CCDC192: variants seen among roughly 807,000 people sequenced by gnomAD.
CCDC192 encodes the protein coiled-coil domain-containing protein 192.
chr5:127,900,303 C>T (rs927737866), intron 6 of CCDC192, among the ~76,000 whole-genome samples: 2 of 152,168 alleles, frequency 1.3e-5, no homozygotes, highest in Non-Finnish European at 2.9e-5. Flanking sequence ...AGCAGGGTAG[C>T]ATCCTAAACT....
intron 3 of CCDC192, among the ~76,000 whole-genome samples, chr5:127,773,130 G>A (rs1367557121): frequency 6.6e-6 from 1 of 152,158 alleles, no homozygotes; most frequent in Non-Finnish European, 1.5e-5. Context: ...GTATTGTGGA[G>A]TACCCACCTG....
At chr5:127,739,290 C>G (rs1050081257) in intron 2 of CCDC192, among the ~76,000 whole-genome samples, 13 of 152,166 alleles carry the variant, frequency 8.5e-5, no homozygotes, top group Non-Finnish European at 1.9e-4. Flanking sequence ...TGCCCGTTCT[C>G]AGATCTCCAG....
intron 2 of CCDC192, among the ~76,000 whole-genome samples, chr5:127,751,366 A>T (rs1229158019): frequency 6.8e-6 from 1 of 146,198 alleles, no homozygotes; most frequent in Non-Finnish European, 1.5e-5. Context: ...TTTCTCCTTC[A>T]CTCATGAAGC....
chr5:127,832,209 A>C (rs1202116865), intron 5 of CCDC192, among the ~76,000 whole-genome samples: 5 of 152,220 alleles, frequency 3.3e-5, no homozygotes, highest in Non-Finnish European at 7.3e-5. Flanking sequence ...ACAATTTCAC[A>C]CTCATCTGAT....
chr5:127,764,976 G>T (rs1755136923), intron 3 of CCDC192, among the ~76,000 whole-genome samples: 1 of 152,154 alleles, frequency 6.6e-6, no homozygotes, highest in Admixed American at 6.5e-5. Context: ...ATTAGCCTCA[G>T]AAAGTGTTTA....
intron 5 of CCDC192, among the ~76,000 whole-genome samples, chr5:127,801,781 G>A (rs925838280): frequency 6.3e-4 from 96 of 152,278 alleles, no homozygotes; most frequent in Non-Finnish European, 5.4e-4. Context: ...GAGTTCATGT[G>A]AGCAAAGAAT....
chr5:127,823,411 C>G (rs1485800609), intron 5 of CCDC192, among the ~76,000 whole-genome samples: 1 of 152,174 alleles, frequency 6.6e-6, no homozygotes, highest in Non-Finnish European at 1.5e-5. Context: ...CTCCATTATG[C>G]CACATGAGTG....
chr5:127,938,633 T>C (rs929976819), intron 6 of CCDC192, among the ~76,000 whole-genome samples: 11 of 152,268 alleles, frequency 7.2e-5, no homozygotes, highest in Admixed American at 3.3e-4. Flanking sequence ...ATACATTTTC[T>C]TTAACACAAT....
intron 6 of CCDC192, among the ~76,000 whole-genome samples, chr5:127,890,404 C>G (rs1752699754): frequency 6.7e-6 from 1 of 150,164 alleles, no homozygotes; most frequent in African/African-American, 2.5e-5. Context: ...TTTGAGATGC[C>G]ACTACACTCC....
chr5:127,764,508 A>G (rs1418049788), intron 3 of CCDC192, among the ~76,000 whole-genome samples: 1 of 152,062 alleles, frequency 6.6e-6, no homozygotes, highest in Non-Finnish European at 1.5e-5. Context: ...CTTATGGACA[A>G]CTCCATGCAG....
chr5:127,874,261 T>C (rs575913163), intron 5 of CCDC192, among the ~76,000 whole-genome samples: 1 of 152,326 alleles, frequency 6.6e-6, no homozygotes, highest in Admixed American at 6.5e-5. Context: ...GTTCCATGAC[T>C]ACCATTCTCC....
rs547388849 is a variant in CCDC192 at position 127,862,403 on chromosome 5, C to G, written c.412-13135C>G. 6.6e-5 allele frequency among the ~76,000 whole-genome samples: 10 copies of G among 152,322 alleles called. No individual in the cohort carries two copies. In the East Asian group the frequency reaches 1.9e-3, roughly 29 times the overall value. On this transcript the variant is annotated intron_variant, in intron 5 of 6. Transcript: ENST00000514853. ...AAGCATACACATGCCCACAAGGACTCTCACAGCTTTTGTGGCCAGCACCTG... is the reference window on the plus strand; with the variant it reads ...AAGCATACACATGCCCACAAGGACTGTCACAGCTTTTGTGGCCAGCACCTG...
intron 6 of CCDC192, among the ~76,000 whole-genome samples, chr5:127,931,698 C>A (rs1754033479): frequency 6.6e-6 from 1 of 152,036 alleles, no homozygotes; most frequent in South Asian, 2.1e-4. Context: ...TCTAGAGTCA[C>A]TCAAGCAGAA....
intron 5 of CCDC192, among the ~76,000 whole-genome samples, chr5:127,835,329 ACT>A (rs1465503620): frequency 3.9e-5 from 6 of 151,940 alleles, no homozygotes; most frequent in Admixed American, 6.6e-5. Flanking sequence ...TCCCAAATTC[ACT>A]CTGATATTTT....
At chr5:127,754,750 A>G (rs1396583918) in intron 3 of CCDC192, among the ~76,000 whole-genome samples, 1 of 152,258 alleles carries the variant, frequency 6.6e-6, no homozygotes, top group Non-Finnish European at 1.5e-5. Context: ...AAGATAAAAT[A>G]AAGCCTATTG....
intron 6 of CCDC192, among the ~76,000 whole-genome samples, chr5:127,903,431 C>T (rs1318611700): frequency 2.0e-5 from 3 of 152,102 alleles, no homozygotes; most frequent in African/African-American, 2.4e-5. Flanking sequence ...TTAGTAGAGA[C>T]GGGGTTTTGC....
intron 6 of CCDC192, among the ~76,000 whole-genome samples, chr5:127,898,715 C>T (rs936650464): frequency 6.6e-6 from 1 of 152,008 alleles, no homozygotes; most frequent in Non-Finnish European, 1.5e-5. Flanking sequence ...CCCATCCCTG[C>T]ATGGTACCCT....
chr5:127,888,198 T>A (rs1181910986), intron 6 of CCDC192, among the ~76,000 whole-genome samples: 2 of 151,928 alleles, frequency 1.3e-5, no homozygotes, highest in African/African-American at 4.8e-5. Flanking sequence ...CATAGATCAC[T>A]TGAAGTCAGG....
chr5:127,925,635 T>A (rs530379146), intron 6 of CCDC192, among the ~76,000 whole-genome samples: 2 of 152,362 alleles, frequency 1.3e-5, no homozygotes, highest in East Asian at 3.9e-4. Flanking sequence ...GATATGATTG[T>A]TCATCTTGGA....
Sources: gnomAD v4.1 joint callset for allele counts (sites outside exome capture counted in the v4.1 genomes callset) on GRCh38, gnomAD v4.1.1 for gene constraint, MANE v1.5 for transcripts, NCBI Gene and HGNC (gene_info 2026-07-23, HGNC 2026-07-21) for gene names.